Variants in ATG10 observed in about 807,000 individuals in gnomAD.
ATG10 encodes autophagy related 10.
In ATG10, 30 loss-of-function variants were observed where a neutral mutation model predicts 32.1. That is an observed-to-expected ratio of 0.94 (90% confidence interval 0.70 to 1.27). The LOEUF (loss-of-function observed/expected upper bound fraction) is 1.27, where lower values mean the gene tolerates loss of function less well. Among genes scored for constraint, ATG10 ranks in the 50% most tolerant of loss-of-function variants. The probability of loss-of-function intolerance (pLI) is 0.00; values close to 1 mark genes in which losing one functional copy is unlikely to be tolerated. For missense variants in ATG10, 233 were observed against 262.3 expected, an observed-to-expected ratio of 0.89 and a Z score of 0.77; for synonymous variants, 87 against 91.5, an observed-to-expected ratio of 0.95 and a Z score of 0.28.
At chr5:82,208,540 G>A (rs1745383957) in intron 5 of ATG10, among the ~76,000 whole-genome samples, 1 of 151,996 alleles carries the variant, frequency 6.6e-6, no homozygotes, top group African/African-American at 2.4e-5. Flanking sequence ...TTAGCTTCTT[G>A]TTTTGTCTAG....
chr5:82,024,296 G>GTAGA (rs58102028), intron 2 of ATG10, among the ~76,000 whole-genome samples: 87,190 of 151,576 alleles, frequency 0.58, 27,930 homozygotes, highest in East Asian at 0.99. Context: ...CAGGGTAGAG[G>GTAGA]TAGATATTTG....
intron 4 of ATG10, among the ~76,000 whole-genome samples, chr5:82,176,850 G>T (rs114139017): frequency 7.9e-5 from 12 of 152,030 alleles, no homozygotes; most frequent in Non-Finnish European, 1.8e-4. Flanking sequence ...GTCTCCTGCC[G>T]CTAGATAAAT....
chr5:82,063,701 A>C (rs1370306086), intron 3 of ATG10, among the ~76,000 whole-genome samples: 2 of 152,258 alleles, frequency 1.3e-5, no homozygotes, highest in East Asian at 3.9e-4. Context: ...CATGTTGGCC[A>C]GGCTGGTCTC....
chr5:82,049,705 C>G (rs749205484), intron 2 of ATG10, among the ~76,000 whole-genome samples: 2 of 151,944 alleles, frequency 1.3e-5, no homozygotes, highest in African/African-American at 4.8e-5. Flanking sequence ...TAGGTAGTAA[C>G]CTAAGAAAGA....
At chr5:82,038,027 A>C (rs778301119) in intron 2 of ATG10, among the ~76,000 whole-genome samples, 1 of 152,214 alleles carries the variant, frequency 6.6e-6, no homozygotes, top group Non-Finnish European at 1.5e-5. Context: ...AAAGCAATAG[A>C]TTCTGGCTAA....
chr5:82,017,043 A>G (rs1762306775), intron 2 of ATG10, among the ~76,000 whole-genome samples: 1 of 151,762 alleles, frequency 6.6e-6, no homozygotes, highest in South Asian at 2.1e-4. Flanking sequence ...AGAGCGTGGG[A>G]TGTGTTTCTA....
At chr5:82,047,271 G>A (rs969169946) in intron 2 of ATG10, among the ~76,000 whole-genome samples, 3 of 152,018 alleles carry the variant, frequency 2.0e-5, no homozygotes, top group Admixed American at 6.6e-5. Flanking sequence ...AAGGTCTCAC[G>A]TCTATGAACT....
intron 2 of ATG10, among the ~76,000 whole-genome samples, chr5:82,045,958 C>T (rs1373611213): frequency 2.0e-5 from 3 of 152,096 alleles, no homozygotes; most frequent in Non-Finnish European, 2.9e-5. Flanking sequence ...ATTGTACTAC[C>T]GTGCAGCCTT....
chr5:82,020,083 T>G (rs1344209371), intron 2 of ATG10, among the ~76,000 whole-genome samples: 2 of 152,182 alleles, frequency 1.3e-5, no homozygotes, highest in East Asian at 1.9e-4. Flanking sequence ...CGTGGAGAGA[T>G]ATTGACAACC....
At chr5:82,086,946 G>A (rs1051156542) in intron 3 of ATG10, among the ~76,000 whole-genome samples, 5 of 152,094 alleles carry the variant, frequency 3.3e-5, no homozygotes, top group East Asian at 1.9e-4. Flanking sequence ...CTGTATATTT[G>A]TAAGAGTTTT....
At position 82,255,639 on chromosome 5, in the gene ATG10, G is replaced by T. The variant is rs1327777666; in HGVS notation, c.*1576G>T. 1 of 152,160 alleles carries T rather than the reference G, an allele frequency of 6.6e-6. No homozygotes were observed. Among genetic ancestry groups the T allele is most frequent in the Admixed American group, 6.5e-5 (1 of 15,276 alleles). The allele number at this position is 152,160 out of a possible 1,614,324, so 9.4% of individuals were successfully genotyped here. A position where few individuals can be genotyped will look rare whatever the true frequency, so the allele number is the denominator to read the frequency against. Reference sequence around the variant, plus strand: ...TATACCTTTATTGTGACATTGATTTGTATTGTTTTGCTCTACTGACAGGCC... The same window carrying T: ...TATACCTTTATTGTGACATTGATTTTTATTGTTTTGCTCTACTGACAGGCC... On this transcript the variant is annotated 3_prime_UTR_variant, in exon 8 of 8. Coordinates refer to ENST00000282185, the MANE Select transcript of ATG10 (RefSeq NM_031482.5).
intron 3 of ATG10, among the ~76,000 whole-genome samples, chr5:82,135,169 A>G (rs1340930004): frequency 6.6e-6 from 1 of 152,122 alleles, no homozygotes. Context: ...TCTTTTCAGA[A>G]AACCATCTCC....
intron 2 of ATG10, among the ~76,000 whole-genome samples, chr5:82,032,398 TTTGA>T (rs1356765210): frequency 2.0e-5 from 3 of 152,212 alleles, no homozygotes; most frequent in Admixed American, 6.5e-5. Context: ...ATTCCAATTC[TTTGA>T]TTGATCTTTT....
chr5:82,248,301 G>A (rs902822768), intron 5 of ATG10, among the ~76,000 whole-genome samples: 5 of 152,126 alleles, frequency 3.3e-5, no homozygotes, highest in African/African-American at 9.7e-5. Context: ...TTTTCATTTA[G>A]TACCTATTTT....
chr5:81,976,661 C>G (rs1014506589), intron 1 of ATG10, among the ~76,000 whole-genome samples: 13 of 152,190 alleles, frequency 8.5e-5, no homozygotes, highest in African/African-American at 2.9e-4. Context: ...TCTTCAAAAG[C>G]CTTCTAACTG....
chr5:82,059,795 A>T (rs1195411432), intron 3 of ATG10, among the ~76,000 whole-genome samples: 2 of 152,126 alleles, frequency 1.3e-5, no homozygotes. Context: ...TTAGGTTTGC[A>T]AGTTATTCTT....
chr5:82,222,920 G>A (rs565984327), intron 5 of ATG10, among the ~76,000 whole-genome samples: 6 of 152,344 alleles, frequency 3.9e-5, no homozygotes, highest in African/African-American at 1.4e-4. Context: ...ATAGTCCTAA[G>A]AATAGTGTTG....
intron 2 of ATG10, among the ~76,000 whole-genome samples, chr5:82,056,404 C>T (rs1458885745): frequency 3.4e-5 from 5 of 145,294 alleles, no homozygotes; most frequent in African/African-American, 1.0e-4. Flanking sequence ...GAGCCAACTT[C>T]GTTTAATTAC....
At chr5:82,027,762 A>C (rs184238248) in intron 2 of ATG10, among the ~76,000 whole-genome samples, 36 of 152,362 alleles carry the variant, frequency 2.4e-4, no homozygotes, top group African/African-American at 8.4e-4. Context: ...AAAGTTAGTC[A>C]CTAGTTAGGT....
Sources: gnomAD v4.1 joint callset for allele counts (sites outside exome capture counted in the v4.1 genomes callset) on GRCh38, gnomAD v4.1.1 for gene constraint, MANE v1.5 for transcripts, NCBI Gene and HGNC (gene_info 2026-07-23, HGNC 2026-07-21) for gene names.